MCUB: variants seen among roughly 807,000 people sequenced by gnomAD.
MCUB encodes mitochondrial calcium uniporter dominant negative subunit beta, also known as calcium uniporter regulatory subunit MCUb, mitochondrial.
Under a neutral mutation model 41.4 loss-of-function variants are expected in MCUB, and 46 were observed. The ratio of observed to expected loss-of-function variants is 1.11; its 90% CI spans 0.88 to 1.42. The LOEUF is 1.42. MCUB is among the 40% of genes most tolerant of loss of function. The pLI is 0.00. For missense variants in MCUB, 403 were observed against 404.9 expected (o/e 1.00, Z 0.04); for synonymous variants, 148 against 148.2 (o/e 1.00, Z 0.01).
At chr4:109,619,851 C>T (rs1375653161) in intron 1 of MCUB, among the ~76,000 whole-genome samples, 2 of 152,126 alleles carry the variant, frequency 1.3e-5, no homozygotes, top group Non-Finnish European at 2.9e-5. Flanking sequence ...TTTACACAAG[C>T]CTGCTCATCT....
chr4:109,623,400 A>G (rs1728294394), intron 1 of MCUB, among the ~76,000 whole-genome samples: 1 of 152,226 alleles, frequency 6.6e-6, no homozygotes, highest in South Asian at 2.1e-4. Context: ...ATGGCAAGTC[A>G]TAGGTGATTC....
intron 1 of MCUB, among the ~76,000 whole-genome samples, chr4:109,614,686 T>C (rs1728088406): frequency 6.6e-6 from 1 of 150,566 alleles, no homozygotes. Flanking sequence ...CTTGTGGTTT[T>C]CATCTTGTTT....
chr4:109,630,938 T>C (rs1728462536), intron 1 of MCUB, among the ~76,000 whole-genome samples: 1 of 152,184 alleles, frequency 6.6e-6, no homozygotes, highest in Non-Finnish European at 1.5e-5. Flanking sequence ...GACTTCCTAT[T>C]ATACAAGCTG....
intron 6 of MCUB, chr4:109,684,987 C>T (rs115615618): frequency 0.025 from 9,632 of 390,846 alleles, 150 homozygotes; most frequent in Non-Finnish European, 0.031. Flanking sequence ...TGCCAAAAAT[C>T]TCCCTTTTCT....
chr4:109,657,182 G>A (rs930707382), intron 1 of MCUB, among the ~76,000 whole-genome samples: 1 of 140,194 alleles, frequency 7.1e-6, no homozygotes, highest in African/African-American at 2.7e-5. Context: ...CTGCATCACT[G>A]CACTCCAGCC....
At chr4:109,590,146 G>A (rs1354476727) in intron 1 of MCUB, among the ~76,000 whole-genome samples, 1 of 151,828 alleles carries the variant, frequency 6.6e-6, no homozygotes, top group Non-Finnish European at 1.5e-5. Flanking sequence ...AAGGCCATTA[G>A]AATTATGCTA....
intron 1 of MCUB, among the ~76,000 whole-genome samples, chr4:109,575,742 C>G (rs909040831): frequency 2.6e-5 from 4 of 152,098 alleles, no homozygotes; most frequent in Non-Finnish European, 5.9e-5. Context: ...ATAGTTATCC[C>G]ATTTATGTAA....
intron 1 of MCUB, among the ~76,000 whole-genome samples, chr4:109,598,297 G>C (rs570559909): frequency 6.6e-6 from 1 of 151,948 alleles, no homozygotes; most frequent in Non-Finnish European, 1.5e-5. Flanking sequence ...CACTCCAGCC[G>C]GGGCACCATT....
chr4:109,675,946 G>C (rs768329520), intron 4 of MCUB, among the ~76,000 whole-genome samples: 1 of 152,162 alleles, frequency 6.6e-6, no homozygotes, highest in Non-Finnish European at 1.5e-5. Flanking sequence ...ATAAAATGTT[G>C]TTCTTCCTAA....
At chr4:109,620,297 G>A (rs1728225928) in intron 1 of MCUB, among the ~76,000 whole-genome samples, 1 of 151,980 alleles carries the variant, frequency 6.6e-6, no homozygotes, top group Non-Finnish European at 1.5e-5. Context: ...CAGAGGTGAG[G>A]CCTGTCTGTA....
At chr4:109,607,531 A>T (rs143840253) in intron 1 of MCUB, among the ~76,000 whole-genome samples, 2 of 152,222 alleles carry the variant, frequency 1.3e-5, no homozygotes, top group Non-Finnish European at 2.9e-5. Flanking sequence ...TTTTCTTTCA[A>T]ATTTAAGAAC....
intron 1 of MCUB, among the ~76,000 whole-genome samples, chr4:109,612,221 A>G (rs1470273917): frequency 4.0e-5 from 6 of 149,312 alleles, no homozygotes; most frequent in African/African-American, 7.4e-5. Flanking sequence ...CTTCAACAGG[A>G]GGAGAGAGAA....
chr4:109,569,647 G>GCA (rs1440015545), intron 1 of MCUB, among the ~76,000 whole-genome samples: 1 of 151,854 alleles, frequency 6.6e-6, no homozygotes, highest in Admixed American at 6.6e-5. Context: ...GGGATTACAG[G>GCA]TGCCTGCCAC....
intron 1 of MCUB, among the ~76,000 whole-genome samples, chr4:109,594,136 T>C (rs1158520123): frequency 1.3e-5 from 2 of 152,366 alleles, no homozygotes; most frequent in Admixed American, 1.3e-4. Context: ...TACTAGCCTG[T>C]CACTTCTCTT....
chr4:109,665,914 A>G (rs907002313), intron 4 of MCUB, among the ~76,000 whole-genome samples: 15 of 152,008 alleles, frequency 9.9e-5, no homozygotes, highest in African/African-American at 3.6e-4. Flanking sequence ...AAAATACTAA[A>G]CAGTGAGAGA....
At chr4:109,668,595 GCT>G (rs1267444691) in intron 4 of MCUB, among the ~76,000 whole-genome samples, 4 of 152,024 alleles carry the variant, frequency 2.6e-5, no homozygotes, top group South Asian at 4.1e-4. Flanking sequence ...ACTCTGACAA[GCT>G]CTATCTTTTG....
intron 1 of MCUB, among the ~76,000 whole-genome samples, chr4:109,598,421 C>T (rs938611329): frequency 2.0e-5 from 3 of 152,120 alleles, no homozygotes; most frequent in East Asian, 1.9e-4. Flanking sequence ...AGCGAAACCC[C>T]GTCTCCACCA....
chr4:109,597,146 A>C (rs1251928977), intron 1 of MCUB, among the ~76,000 whole-genome samples: 24 of 151,782 alleles, frequency 1.6e-4, no homozygotes, highest in Admixed American at 5.2e-4. Context: ...CTACACAGAC[A>C]CGGCAACCAT....
intron 1 of MCUB, among the ~76,000 whole-genome samples, chr4:109,563,036 T>C (rs61459557): frequency 0.012 from 1,808 of 152,336 alleles, 33 homozygotes; most frequent in African/African-American, 0.041. Context: ...CATCTCTGCT[T>C]GTCAGCACTC....
Sources: gnomAD v4.1 joint callset for allele counts (sites outside exome capture counted in the v4.1 genomes callset) on GRCh38, gnomAD v4.1.1 for gene constraint, MANE v1.5 for transcripts, NCBI Gene and HGNC (gene_info 2026-07-23, HGNC 2026-07-21) for gene names.